Variants in EPB41L2 observed in about 807,000 individuals in gnomAD.
EPB41L2 encodes the protein erythrocyte membrane protein band 4.1 like 2.
In EPB41L2, 43 loss-of-function variants were observed where a neutral mutation model predicts 113.0. The observed-to-expected ratio is 0.38, with a 90% CI of 0.30 to 0.49. The LOEUF is 0.49. Ranked by LOEUF, EPB41L2 falls within the 20% of genes least tolerant of loss-of-function variation. The pLI is 0.95. For missense variants in EPB41L2, 1,147 were observed against 1,223.4 expected (o/e 0.94, Z 0.93); for synonymous variants, 442 against 436.7 (o/e 1.01, Z -0.15).
intron 1 of EPB41L2, among the ~76,000 whole-genome samples, chr6:131,024,355 G>T (rs555372896): frequency 6.6e-6 from 1 of 152,120 alleles, no homozygotes; most frequent in Admixed American, 6.5e-5. Context: ...GAGCTGCCAG[G>T]AAAGAGGTGT....
At chr6:130,972,099 G>A (rs923942454) in intron 1 of EPB41L2, among the ~76,000 whole-genome samples, 5 of 152,074 alleles carry the variant, frequency 3.3e-5, no homozygotes, top group East Asian at 3.9e-4. Flanking sequence ...CGATGTGGAC[G>A]AATCACTTGA....
At chr6:130,933,887 T>C (rs191124935) in intron 3 of EPB41L2, among the ~76,000 whole-genome samples, 1 of 152,294 alleles carries the variant, frequency 6.6e-6, no homozygotes, top group Admixed American at 6.5e-5. Flanking sequence ...CACTGGCGTT[T>C]TATAAACACC....
At chr6:130,871,914 G>A (rs1339614516) in intron 14 of EPB41L2, among the ~76,000 whole-genome samples, 1 of 152,170 alleles carries the variant, frequency 6.6e-6, no homozygotes, top group Non-Finnish European at 1.5e-5. Context: ...GATAGGTTCT[G>A]CCCAAGTTCA....
At chr6:130,865,333 T>A (rs1400750481) in intron 17 of EPB41L2, among the ~76,000 whole-genome samples, 2 of 152,220 alleles carry the variant, frequency 1.3e-5, no homozygotes, top group Non-Finnish European at 2.9e-5. Context: ...TTTACCCCCT[T>A]GTACTTCACA....
At chr6:130,958,088 A>G (rs1015213035) in intron 1 of EPB41L2, among the ~76,000 whole-genome samples, 1 of 152,218 alleles carries the variant, frequency 6.6e-6, no homozygotes. Flanking sequence ...AATAAAGACA[A>G]CCTTTGAGGA....
intron 3 of EPB41L2, among the ~76,000 whole-genome samples, chr6:130,945,722 G>C (rs576034139): frequency 6.6e-6 from 1 of 152,260 alleles, no homozygotes; most frequent in African/African-American, 2.4e-5. Flanking sequence ...GAGAATAGAA[G>C]AGAGGAAGTG....
At chr6:131,037,918 T>C (rs1793687199) in intron 1 of EPB41L2, among the ~76,000 whole-genome samples, 1 of 152,112 alleles carries the variant, frequency 6.6e-6, no homozygotes, top group Admixed American at 6.5e-5. Context: ...AAGGATTATA[T>C]TCAAGGTGGA....
At chr6:130,955,031 A>G in intron 3 of EPB41L2, 74 bp downstream of exon 3, 1 of 1,374,224 alleles carries the variant, frequency 7.3e-7, no homozygotes, top group Non-Finnish European at 1.0e-6. Context: ...ACTTAATAAA[A>G]CACAAAAATC....
chr6:130,874,793 C>T (rs1206447047), intron 14 of EPB41L2, among the ~76,000 whole-genome samples: 6 of 152,172 alleles, frequency 3.9e-5, no homozygotes, highest in Non-Finnish European at 8.8e-5. Flanking sequence ...ATATTTTACA[C>T]TGTACATTCC....
chr6:131,020,807 A>T lies in EPB41L2; in HGVS notation c.-15+42348T>A, dbSNP rs1450091539. 2.0e-5 allele frequency among the ~76,000 whole-genome samples: 3 copies of T among 146,766 alleles called. No individual in the cohort carries two copies. In the South Asian group the frequency reaches 6.8e-4, roughly 33 times the overall value. ...CTCTTGGAACAATTTTTTGTTGTTA[A>T]GAGACAGAGTCTTGTTCTGTCACCC... is the stretch of plus-strand genomic sequence containing the variant. On this transcript the variant is annotated intron_variant, in intron 1 of 19. Transcript: ENST00000337057.
chr6:131,025,717 T>C (rs539165636), intron 1 of EPB41L2, among the ~76,000 whole-genome samples: 1 of 152,292 alleles, frequency 6.6e-6, no homozygotes, highest in East Asian at 1.9e-4. Context: ...CCTGTCTTTG[T>C]TCCTATAGCA....
At chr6:130,997,751 CA>C (rs1783479297) in intron 1 of EPB41L2, among the ~76,000 whole-genome samples, 1 of 152,028 alleles carries the variant, frequency 6.6e-6, no homozygotes, top group Admixed American at 6.6e-5. Context: ...TATTGCATTT[CA>C]GGGGGGAAAA....
intron 1 of EPB41L2, among the ~76,000 whole-genome samples, chr6:130,963,005 T>C (rs1361524091): frequency 1.3e-5 from 2 of 152,194 alleles, no homozygotes; most frequent in African/African-American, 4.8e-5. Context: ...CATAACTCTG[T>C]TAAATGCTGT....
At chr6:130,939,845 T>C (rs905295695) in intron 3 of EPB41L2, among the ~76,000 whole-genome samples, 4 of 152,204 alleles carry the variant, frequency 2.6e-5, no homozygotes, top group Admixed American at 2.6e-4. Context: ...TTTATTTTAG[T>C]ATGTGACAAA....
At chr6:130,875,042 T>C (rs1787069621) in intron 14 of EPB41L2, among the ~76,000 whole-genome samples, 1 of 152,246 alleles carries the variant, frequency 6.6e-6, no homozygotes, top group Non-Finnish European at 1.5e-5. Flanking sequence ...TTAAAGTATA[T>C]AAATATGTCA....
intron 4 of EPB41L2, among the ~76,000 whole-genome samples, chr6:130,924,742 T>C (rs765145380): frequency 3.3e-5 from 5 of 152,182 alleles, no homozygotes; most frequent in Non-Finnish European, 7.3e-5. Context: ...GTTGTATCAG[T>C]TTACCTTCCT....
chr6:131,020,871 C>T (rs1789293302), intron 1 of EPB41L2, among the ~76,000 whole-genome samples: 1 of 152,180 alleles, frequency 6.6e-6, no homozygotes, highest in East Asian at 1.9e-4. Context: ...CTTACTAAAG[C>T]CTTGAATTCC....
At chr6:131,002,520 G>T (rs952241801) in intron 1 of EPB41L2, among the ~76,000 whole-genome samples, 3 of 152,174 alleles carry the variant, frequency 2.0e-5, no homozygotes, top group African/African-American at 7.2e-5. Flanking sequence ...AATTGCTAAA[G>T]GAATTACACA....
At position 130,901,018 on chromosome 6, in the gene EPB41L2, G is replaced by C; in HGVS notation, c.1092C>G (p.Ala364=). Residue 364 remains alanine (A), a synonymous_variant, in exon 7 of 20, where the codon GCC becomes GCG. Transcript: ENST00000337057. ...GSIDLSEFQF[A]PTQTKELEEK... Reference sequence around the variant, plus strand: ...CTTCCAGCTCCTTAGTCTGAGTAGGGGCAAACTGGAATTCACTGAGGTCGA... The same window carrying C: ...CTTCCAGCTCCTTAGTCTGAGTAGGCGCAAACTGGAATTCACTGAGGTCGA... The C allele has an allele frequency of 6.2e-7, 1 of 1,614,130 alleles. No individual in the cohort carries two copies. The highest frequency in any genetic ancestry group is 1.1e-5 in the South Asian group (1 of 91,070).
Sources: gnomAD v4.1 joint callset for allele counts (sites outside exome capture counted in the v4.1 genomes callset) on GRCh38, gnomAD v4.1.1 for gene constraint, MANE v1.5 for transcripts, NCBI Gene and HGNC (gene_info 2026-07-23, HGNC 2026-07-21) for gene names.